GPC6: variants seen among roughly 807,000 people sequenced by gnomAD.
The protein encoded by GPC6 is glypican-6.
A neutral mutation model predicts 55.2 loss-of-function variants in GPC6; 14 were observed. The ratio of observed to expected loss-of-function variants is 0.25; its 90% confidence interval spans 0.17 to 0.40. The LOEUF is 0.40. Among genes scored for constraint, GPC6 ranks in the 10% least tolerant of loss-of-function variants. The pLI is 1.00. For missense variants in GPC6, 641 were observed against 708.5 expected (o/e 0.90, Z 1.08); for synonymous variants, 278 against 259.6 (o/e 1.07, Z -0.68).
chr13:93,740,047 C>T (rs1594416013), intron 2 of GPC6, among the ~76,000 whole-genome samples: 1 of 152,122 alleles, frequency 6.6e-6, no homozygotes, highest in South Asian at 2.1e-4. Context: ...ATGGTGTTCC[C>T]CTTTATTTGG....
chr13:94,067,575 GATT>G (rs1344695691), intron 4 of GPC6, among the ~76,000 whole-genome samples: 59 of 140,414 alleles, frequency 4.2e-4, no homozygotes, highest in African/African-American at 1.5e-3. Context: ...TAGATAGATA[GATT>G]ATAGATAGAT....
intron 1 of GPC6, among the ~76,000 whole-genome samples, chr13:93,441,198 A>G (rs1357827775): frequency 2.0e-5 from 3 of 152,046 alleles, no homozygotes; most frequent in South Asian, 2.1e-4. Flanking sequence ...ATAATCCTTT[A>G]GGTATATACC....
At chr13:94,166,560 C>T (rs563295534) in intron 4 of GPC6, among the ~76,000 whole-genome samples, 15 of 152,286 alleles carry the variant, frequency 9.8e-5, no homozygotes, top group African/African-American at 3.6e-4. Flanking sequence ...TTATAAATAG[C>T]TTTCCTGGCT....
intron 2 of GPC6, among the ~76,000 whole-genome samples, chr13:93,817,185 T>A (rs947547767): frequency 6.6e-6 from 1 of 152,194 alleles, no homozygotes; most frequent in African/African-American, 2.4e-5. Context: ...ATGTAAGACG[T>A]TGATGATAAT....
chr13:93,722,181 A>C (rs1883477498), intron 2 of GPC6, among the ~76,000 whole-genome samples: 1 of 151,764 alleles, frequency 6.6e-6, no homozygotes. Flanking sequence ...ATAATCCTTC[A>C]ATTATGGCCA....
At chr13:94,046,999 C>A (rs1461426904) in intron 4 of GPC6, among the ~76,000 whole-genome samples, 1 of 152,076 alleles carries the variant, frequency 6.6e-6, no homozygotes, top group Non-Finnish European at 1.5e-5. Context: ...AACTTTAAAT[C>A]TATAGTGTTT....
intron 1 of GPC6, among the ~76,000 whole-genome samples, chr13:93,529,510 CTTTTT>C (rs1165594323): frequency 2.3e-5 from 2 of 85,196 alleles, no homozygotes; most frequent in Non-Finnish European, 4.3e-5. Context: ...CTCTGAGATT[CTTTTT>C]TTTTTTTTTT....
chr13:93,252,541 G>T (rs1440975109), intron 1 of GPC6, among the ~76,000 whole-genome samples: 2 of 152,122 alleles, frequency 1.3e-5, no homozygotes, highest in Non-Finnish European at 1.5e-5. Flanking sequence ...AAATTCATTT[G>T]CCCTAAGCCT....
At chr13:93,957,347 A>G (rs1186541030) in intron 3 of GPC6, among the ~76,000 whole-genome samples, 1 of 152,058 alleles carries the variant, frequency 6.6e-6, no homozygotes, top group Non-Finnish European at 1.5e-5. Context: ...AGTATCAAAT[A>G]AGTAGTTTTT....
intron 4 of GPC6, among the ~76,000 whole-genome samples, chr13:94,136,228 C>A (rs1386781892): frequency 6.8e-6 from 1 of 146,852 alleles, no homozygotes; most frequent in African/African-American, 2.5e-5. Flanking sequence ...ACTGGCAATC[C>A]TTTTCATACC....
chr13:94,362,139 T>G (rs2139182022), intron 6 of GPC6, among the ~76,000 whole-genome samples: 1 of 152,290 alleles, frequency 6.6e-6, no homozygotes, highest in Admixed American at 6.5e-5. Flanking sequence ...AATACATACT[T>G]TTGCTTCAAC....
At chr13:94,312,308 C>A (rs1227364167) in intron 6 of GPC6, among the ~76,000 whole-genome samples, 1 of 152,152 alleles carries the variant, frequency 6.6e-6, no homozygotes, top group African/African-American at 2.4e-5. Context: ...TACAAAAGAT[C>A]ATCAAGATAT....
At chr13:93,895,702 T>C (rs188848512) in intron 3 of GPC6, among the ~76,000 whole-genome samples, 57 of 152,186 alleles carry the variant, frequency 3.7e-4, no homozygotes, top group Admixed American at 2.0e-3. Flanking sequence ...TGCCACTTAA[T>C]GTTATGGAAA....
chr13:93,439,503 G>A (rs1340711699), intron 1 of GPC6, among the ~76,000 whole-genome samples: 2 of 151,842 alleles, frequency 1.3e-5, no homozygotes, highest in Non-Finnish European at 2.9e-5. Context: ...TGATTGTGAG[G>A]CCTTCCCAGC....
chr13:93,986,400 A>C (rs1042534063), intron 3 of GPC6, among the ~76,000 whole-genome samples: 2 of 152,198 alleles, frequency 1.3e-5, no homozygotes, highest in South Asian at 4.1e-4. Context: ...TTTCATTGGA[A>C]AGTTTCATCT....
chr13:94,176,966 A>G lies in GPC6; in HGVS notation c.878-109383A>G, dbSNP rs368224683. Among the ~76,000 whole-genome samples the G allele has an allele frequency of 5.3e-4, 81 of 152,324 alleles. No homozygotes were observed. In the Middle Eastern group the frequency reaches 0.014, roughly 26 times the overall value. On this transcript the variant is annotated intron_variant, in intron 4 of 8. Coordinates refer to ENST00000377047, the MANE Select transcript of GPC6 (RefSeq NM_005708.5). ...CCATAAGTACTACCCTAAGCGCACAAACTACCAATGACAAATGCTTTAAAA... is the reference window on the plus strand; with the variant it reads ...CCATAAGTACTACCCTAAGCGCACAGACTACCAATGACAAATGCTTTAAAA...
chr13:93,343,720 G>C (rs546014219), intron 1 of GPC6, among the ~76,000 whole-genome samples: 1 of 152,060 alleles, frequency 6.6e-6, no homozygotes, highest in African/African-American at 2.4e-5. Context: ...ACCTCTCTTT[G>C]CCCGTTGAAT....
Position 93,833,104 on chromosome 13 carries a change from TGATAGA to T in GPC6, c.711+2562_711+2567del, listed in dbSNP as rs1320394110. On this transcript the variant is annotated intron_variant, in intron 3 of 8. Transcript: ENST00000377047. ...ATGGATGGATGGGTAGATAGGTAGA[TGATAGA>T]GAGAGAGAGAGAGAGAGAGAGAGAG... Among the ~76,000 whole-genome samples, 358 of 61,646 alleles carry T rather than the reference TGATAGA, an allele frequency of 5.8e-3. 1 individual carries two copies. The highest frequency in any genetic ancestry group is 0.01 in the Middle Eastern group (1 of 100). 40.4% of individuals were successfully genotyped at this position (61,646 alleles called of 152,430 possible). A position where few individuals can be genotyped will look rare whatever the true frequency, so the allele number is the denominator to read the frequency against.
At chr13:94,129,786 T>C (rs1240610079) in intron 4 of GPC6, among the ~76,000 whole-genome samples, 1 of 152,084 alleles carries the variant, frequency 6.6e-6, no homozygotes, top group Non-Finnish European at 1.5e-5. Context: ...TCTTGACTAA[T>C]AGAATAGCCC....
Sources: allele counts gnomAD v4.1 joint callset (sites outside exome capture counted in the v4.1 genomes callset), GRCh38; gene constraint gnomAD v4.1.1; transcripts MANE v1.5; gene names NCBI Gene and HGNC (gene_info 2026-07-23, HGNC 2026-07-21).